SNAP23: variants seen among roughly 807,000 people sequenced by gnomAD.
SNAP23 encodes synaptosomal-associated protein 23.
SNAP23 carries 11 observed loss-of-function variants against 29.0 expected under a neutral mutation model. That is an observed-to-expected ratio of 0.38 (90% CI 0.24 to 0.63). The LOEUF is 0.63. Ranked by LOEUF, SNAP23 falls within the 20% of genes least tolerant of loss-of-function variation. The probability of loss-of-function intolerance (pLI) is 0.58; values close to 1 mark genes in which losing one functional copy is unlikely to be tolerated. For synonymous variants in SNAP23, 60 were observed against 82.9 expected, an observed-to-expected ratio of 0.72 and a Z score of 1.50; for missense variants, 220 against 253.9, an observed-to-expected ratio of 0.87 and a Z score of 0.91.
At chr15:42,494,190 T>C (rs1037558571), upstream of SNAP23, among the ~76,000 whole-genome samples, 1 of 152,066 alleles carries the variant, frequency 6.6e-6, no homozygotes, top group African/African-American at 2.4e-5. Context: ...AAGGCCAAAC[T>C]TTCCAAAAGC....
rs1424087954 is a variant in SNAP23 at position 42,513,383 on chromosome 15, T to C, written c.100-16T>C. On this transcript the variant is annotated splice_polypyrimidine_tract_variant and intron_variant, in intron 3 of 7. Transcript: ENST00000249647. ...TTTGTTTTGTTGTACTATCAGCTTT[T>C]CCCCCCTTGTCTTAGTCTCAGGATG... 17 of 1,612,196 alleles carry C rather than the reference T, an allele frequency of 1.1e-5. No individual in the cohort carries two copies. Among genetic ancestry groups the C allele is most frequent in the South Asian group, 2.2e-5 (2 of 91,048 alleles).
chr15:42,516,576 G>A (rs947664102), intron 5 of SNAP23, among the ~76,000 whole-genome samples: 2 of 152,074 alleles, frequency 1.3e-5, no homozygotes, highest in African/African-American at 2.4e-5. Context: ...TGATCCGCCC[G>A]CCTTAACCTC....
rs2057524018 is a variant in SNAP23 at position 42,528,250 on chromosome 15, A to G, written c.267-12A>G. On this transcript the variant is annotated splice_polypyrimidine_tract_variant and intron_variant, in intron 5 of 7. Transcript: ENST00000249647. ...TTTTTGGTATCTCCCTACACTCCTG[A>G]CTCTTATATAGAACAAAGAACTTTG... is the stretch of plus-strand genomic sequence containing the variant. The G allele has an allele frequency of 1.2e-6, 2 of 1,612,894 alleles. No individual in the cohort carries two copies. Among genetic ancestry groups the G allele is most frequent in the African/African-American group, 2.7e-5 (2 of 74,844 alleles).
chr15:42,507,101 T>C (rs2057322793), intron 1 of SNAP23, among the ~76,000 whole-genome samples: 1 of 152,142 alleles, frequency 6.6e-6, no homozygotes, highest in Admixed American at 6.6e-5. Flanking sequence ...TACAGACGTG[T>C]GCCACCACTC....
chr15:42,497,937 A>T (rs1185337480), intron 1 of SNAP23, among the ~76,000 whole-genome samples: 1 of 152,200 alleles, frequency 6.6e-6, no homozygotes, highest in Non-Finnish European at 1.5e-5. Flanking sequence ...ATCCAGTGGG[A>T]CAGCCATTAC....
chr15:42,498,079 C>CT (rs1407929781), intron 1 of SNAP23, among the ~76,000 whole-genome samples: 1 of 152,234 alleles, frequency 6.6e-6, no homozygotes, highest in African/African-American at 2.4e-5. Flanking sequence ...CCAGAGGCTG[C>CT]TCTGCTGGGC....
intron 6 of SNAP23, 26 bp downstream of exon 6, chr15:42,528,446 T>A: frequency 6.2e-7 from 1 of 1,611,484 alleles, no homozygotes; most frequent in Non-Finnish European, 8.5e-7. Context: ...CTGATATTCC[T>A]GTACCTTTCT....
At chr15:42,506,481 T>C (rs75846985) in intron 1 of SNAP23, among the ~76,000 whole-genome samples, 9,097 of 152,258 alleles carry the variant, frequency 0.06, 602 homozygotes, top group Admixed American at 0.15. Flanking sequence ...CAAGCCGTTT[T>C]CCTACCTCAG....
chr15:42,529,263 A>G (rs2057538193), intron 6 of SNAP23, among the ~76,000 whole-genome samples: 1 of 152,166 alleles, frequency 6.6e-6, no homozygotes, highest in Admixed American at 6.5e-5. Flanking sequence ...CCTCTCTCTT[A>G]GGGCAGTGCT....
At chr15:42,512,272 CTT>C (rs2057362934) in intron 2 of SNAP23, 1 of 155,524 alleles carries the variant, frequency 6.4e-6, no homozygotes, top group Admixed American at 6.5e-5. Flanking sequence ...CAAATATTCT[CTT>C]TTTTAAAAAA....
At chr15:42,521,776 C>A in intron 5 of SNAP23, 1 of 616,214 alleles carries the variant, frequency 1.6e-6, no homozygotes, top group Non-Finnish European at 2.9e-6. Context: ...TGTCTCTAAA[C>A]TGTGTGGTGG....
At chr15:42,517,952 A>G (rs777992505) in intron 5 of SNAP23, among the ~76,000 whole-genome samples, 1 of 151,434 alleles carries the variant, frequency 6.6e-6, no homozygotes, top group Non-Finnish European at 1.5e-5. Flanking sequence ...GCCTCAAGAA[A>G]TCCTCCCACT....
chr15:42,517,219 C>T (rs2057404631), intron 5 of SNAP23, among the ~76,000 whole-genome samples: 1 of 152,174 alleles, frequency 6.6e-6, no homozygotes, highest in Non-Finnish European at 1.5e-5. Flanking sequence ...TGCTCCCGGC[C>T]AAAAGTTCAT....
At chr15:42,503,741 G>A (rs1484690095) in intron 1 of SNAP23, among the ~76,000 whole-genome samples, 4 of 152,074 alleles carry the variant, frequency 2.6e-5, no homozygotes, top group African/African-American at 9.7e-5. Flanking sequence ...GACCTCAGGT[G>A]ATCCACCCAC....
chr15:42,516,691 C>T (rs1244077765), intron 5 of SNAP23, among the ~76,000 whole-genome samples: 1 of 152,172 alleles, frequency 6.6e-6, no homozygotes, highest in Non-Finnish European at 1.5e-5. Context: ...CTCAGCTGGT[C>T]TTGTAAACCA....
chr15:42,495,094 A>C (rs2057205386), upstream of SNAP23, among the ~76,000 whole-genome samples: 1 of 152,180 alleles, frequency 6.6e-6, no homozygotes, highest in Admixed American at 6.5e-5. Flanking sequence ...AGAAGGCGTT[A>C]TGCTGTTCTC....
intron 5 of SNAP23, among the ~76,000 whole-genome samples, chr15:42,521,114 T>G (rs17766532): frequency 0.061 from 9,273 of 152,346 alleles, 404 homozygotes; most frequent in South Asian, 0.15. Flanking sequence ...CATGATTTTT[T>G]ATACCTCACA....
intron 1 of SNAP23, among the ~76,000 whole-genome samples, chr15:42,509,548 T>G (rs1341064607): frequency 6.6e-6 from 1 of 151,300 alleles, no homozygotes. Context: ...CAAGCAATTC[T>G]CCTGCCTCAG....
At chr15:42,495,892 G>GAGAA (rs1198241957) in intron 1 of SNAP23, 179 bp downstream of exon 1, 2 of 152,340 alleles carry the variant, frequency 1.3e-5, no homozygotes, top group Non-Finnish European at 2.9e-5. Flanking sequence ...GAGGTGCCGG[G>GAGAA]AGAACATCGA....
Sources: gnomAD v4.1 joint callset for allele counts (sites outside exome capture counted in the v4.1 genomes callset) on GRCh38, gnomAD v4.1.1 for gene constraint, MANE v1.5 for transcripts, NCBI Gene and HGNC (gene_info 2026-07-23, HGNC 2026-07-21) for gene names.